The following SPATA16 variants were observed in gnomAD, a reference collection of about 807,000 sequenced individuals.
SPATA16 encodes spermatogenesis-associated protein 16.
Under a neutral mutation model 63.3 loss-of-function variants are expected in SPATA16, and 36 were observed. The ratio of observed to expected loss-of-function variants is 0.57; its 90% CI spans 0.44 to 0.75. SPATA16 has a LOEUF of 0.75. SPATA16 is among the 30% of genes least tolerant of loss of function. The pLI is 0.00. For missense variants in SPATA16, 646 were observed against 679.3 expected (o/e 0.95, Z 0.54); for synonymous variants, 203 against 216.7 (o/e 0.94, Z 0.56).
intron 2 of SPATA16, among the ~76,000 whole-genome samples, chr3:173,094,136 G>C (rs1004594819): frequency 3.3e-5 from 5 of 150,670 alleles, no homozygotes; most frequent in African/African-American, 9.8e-5. Context: ...ATAATTAAAA[G>C]TGCAATCTGG....
intron 5 of SPATA16, among the ~76,000 whole-genome samples, chr3:172,962,371 C>A (rs950228404): frequency 6.6e-6 from 1 of 150,982 alleles, no homozygotes; most frequent in African/African-American, 2.4e-5. Context: ...CAGAAACATC[C>A]ATGTTGGACT....
chr3:172,992,793 T>C (rs1386105231), intron 4 of SPATA16, among the ~76,000 whole-genome samples: 1 of 152,128 alleles, frequency 6.6e-6, no homozygotes, highest in Non-Finnish European at 1.5e-5. Flanking sequence ...AGGAAAGGAC[T>C]CCTCCCATCA....
chr3:173,002,459 G>A (rs997902240), intron 4 of SPATA16, among the ~76,000 whole-genome samples: 2 of 152,158 alleles, frequency 1.3e-5, no homozygotes, highest in African/African-American at 4.8e-5. Context: ...GAGTGAAATG[G>A]TGGAACTAAT....
At chr3:172,988,293 A>G (rs1439511678) in intron 4 of SPATA16, among the ~76,000 whole-genome samples, 3 of 152,246 alleles carry the variant, frequency 2.0e-5, no homozygotes, top group Non-Finnish European at 4.4e-5. Flanking sequence ...AAATAAAACT[A>G]AATAAAAGGG....
At chr3:173,089,626 G>T (rs530851890) in intron 2 of SPATA16, among the ~76,000 whole-genome samples, 2 of 152,122 alleles carry the variant, frequency 1.3e-5, no homozygotes, top group Non-Finnish European at 2.9e-5. Flanking sequence ...TGGTGGTGGT[G>T]GATTGTGTCA....
At chr3:173,135,956 T>C (rs1231609085) in intron 1 of SPATA16, among the ~76,000 whole-genome samples, 2 of 152,334 alleles carry the variant, frequency 1.3e-5, no homozygotes, top group African/African-American at 2.4e-5. Flanking sequence ...AGAAAATCAA[T>C]CAAGACAGCT....
At chr3:172,896,982 G>T (rs1732022959) in intron 10 of SPATA16, among the ~76,000 whole-genome samples, 1 of 151,552 alleles carries the variant, frequency 6.6e-6, no homozygotes, top group Non-Finnish European at 1.5e-5. Flanking sequence ...TTTATGGATT[G>T]TGCTTTTGGC....
At chr3:173,119,130 G>T (rs969173634) in intron 1 of SPATA16, among the ~76,000 whole-genome samples, 1 of 151,982 alleles carries the variant, frequency 6.6e-6, no homozygotes, top group Non-Finnish European at 1.5e-5. Context: ...ATAGGGAGGG[G>T]AACATCACCT....
chr3:173,095,509 A>G (rs1001288895), intron 2 of SPATA16, among the ~76,000 whole-genome samples: 8 of 152,136 alleles, frequency 5.3e-5, no homozygotes, highest in Non-Finnish European at 1.2e-4. Flanking sequence ...CAGTATTACC[A>G]GAGATATTCT....
chr3:172,940,300 C>T (rs1733114975), intron 6 of SPATA16, among the ~76,000 whole-genome samples: 1 of 152,168 alleles, frequency 6.6e-6, no homozygotes, highest in Admixed American at 6.5e-5. Context: ...ACAGTTTTGT[C>T]ATACTGAAGC....
chr3:172,929,159 A>G (rs944681087), intron 6 of SPATA16, among the ~76,000 whole-genome samples: 4 of 152,218 alleles, frequency 2.6e-5, no homozygotes, highest in African/African-American at 9.6e-5. Context: ...GGAGAAACAC[A>G]TCTTTTAATG....
At chr3:173,001,268 G>GTT (rs776040026) in intron 4 of SPATA16, among the ~76,000 whole-genome samples, 2 of 137,590 alleles carry the variant, frequency 1.5e-5, no homozygotes, top group Admixed American at 7.2e-5. Context: ...CTTCTCAGTT[G>GTT]TTTTTTTTTT....
At position 172,890,748 on chromosome 3, in the gene SPATA16, GTTT is replaced by G. The variant is rs566747383; in HGVS notation, c.1588-1059_1588-1057del. Among the ~76,000 whole-genome samples, 190 of 140,522 alleles carry G rather than the reference GTTT, an allele frequency of 1.4e-3. 1 individual carries two copies. Among genetic ancestry groups the G allele is most frequent in the African/African-American group, 4.6e-3 (181 of 38,990 alleles). The allele number at this position is 140,522 out of a possible 152,430, so 92.2% of individuals were successfully genotyped here. On this transcript the variant is annotated intron_variant, in intron 10 of 10. Coordinates refer to ENST00000351008, the MANE Select transcript of SPATA16 (RefSeq NM_031955.6). The stretch of plus-strand genomic sequence containing the variant: ...ATACCAGTGACATAAATGGTCCACT[GTTT>G]TTTTTTTTTTAAGAAAACAAGATAA...
intron 6 of SPATA16, among the ~76,000 whole-genome samples, chr3:172,949,089 A>G (rs1733364732): frequency 2.0e-5 from 3 of 152,184 alleles, no homozygotes; most frequent in Admixed American, 6.5e-5. Flanking sequence ...AAGGGCCAGT[A>G]AAGGGTATCT....
intron 4 of SPATA16, among the ~76,000 whole-genome samples, chr3:172,986,375 T>C (rs750117446): frequency 1.3e-5 from 2 of 152,188 alleles, no homozygotes; most frequent in Middle Eastern, 3.2e-3. Context: ...ATGAGGATAC[T>C]AAGACGAGTC....
At chr3:173,121,449 C>T (rs1210158168) in intron 1 of SPATA16, among the ~76,000 whole-genome samples, 1 of 152,108 alleles carries the variant, frequency 6.6e-6, no homozygotes, top group Non-Finnish European at 1.5e-5. Context: ...TAAGAATTCC[C>T]CATCTTCCTA....
intron 8 of SPATA16, among the ~76,000 whole-genome samples, chr3:172,918,571 G>A (rs975003148): frequency 6.6e-6 from 1 of 151,982 alleles, no homozygotes; most frequent in African/African-American, 2.4e-5. Flanking sequence ...GAAAGACAAA[G>A]TGAAAAAGAA....
intron 4 of SPATA16, among the ~76,000 whole-genome samples, chr3:173,009,463 C>G (rs934854079): frequency 6.6e-6 from 1 of 152,234 alleles, no homozygotes; most frequent in African/African-American, 2.4e-5. Flanking sequence ...GGTCTCCAGA[C>G]AGACACAGAG....
At chr3:173,057,916 G>T (rs528690783) in intron 2 of SPATA16, among the ~76,000 whole-genome samples, 90 of 152,110 alleles carry the variant, frequency 5.9e-4, no homozygotes, top group Middle Eastern at 3.4e-3. Context: ...AACAGATTGG[G>T]ACAGAAATAC....
Sources: allele counts gnomAD v4.1 joint callset (sites outside exome capture counted in the v4.1 genomes callset), GRCh38; gene constraint gnomAD v4.1.1; transcripts MANE v1.5; gene names NCBI Gene and HGNC (gene_info 2026-07-23, HGNC 2026-07-21).